The following RSU1 variants were observed in gnomAD, a reference collection of about 807,000 sequenced individuals.
RSU1 encodes the protein rsu-1.
In RSU1, 26 loss-of-function variants were observed where a neutral mutation model predicts 31.1. The observed-to-expected ratio is 0.84, with a 90% CI of 0.61 to 1.16. RSU1 has a LOEUF of 1.16. Among genes scored for constraint, RSU1 ranks in the 50% most tolerant of loss-of-function variants. The pLI, the probability that RSU1 is intolerant of heterozygous loss-of-function variation, is 0.00. For missense variants in RSU1, 320 were observed against 339.1 expected (o/e 0.94, Z 0.44); for synonymous variants, 164 against 136.3 (o/e 1.20, Z -1.41).
intron 8 of RSU1, among the ~76,000 whole-genome samples, chr10:16,688,669 A>G (rs2131556301): frequency 1.3e-5 from 2 of 152,304 alleles, no homozygotes; most frequent in South Asian, 4.1e-4. Context: ...ATCACCAGGA[A>G]GAGAATACAT....
At chr10:16,682,282 C>G (rs554502871) in intron 8 of RSU1, among the ~76,000 whole-genome samples, 1 of 152,214 alleles carries the variant, frequency 6.6e-6, no homozygotes, top group East Asian at 1.9e-4. Flanking sequence ...ACCTGCTGGG[C>G]TGCACTCCCA....
intron 8 of RSU1, among the ~76,000 whole-genome samples, chr10:16,662,538 T>C (rs1325972843): frequency 6.6e-6 from 1 of 152,234 alleles, no homozygotes. Context: ...TATTGTAGCC[T>C]ACTTTAACCC....
At chr10:16,630,080 T>C (rs1207698930) in intron 8 of RSU1, among the ~76,000 whole-genome samples, 1 of 152,114 alleles carries the variant, frequency 6.6e-6, no homozygotes, top group Non-Finnish European at 1.5e-5. Context: ...TTTTTTTTTT[T>C]ATTTTTTGAA....
chr10:16,658,507 G>A (rs934718694), intron 8 of RSU1, among the ~76,000 whole-genome samples: 19 of 152,024 alleles, frequency 1.2e-4, no homozygotes, highest in African/African-American at 3.9e-4. Context: ...GCAGATCACC[G>A]GAGATCAGGA....
chr10:16,769,443 G>T (rs1253646811), intron 3 of RSU1, among the ~76,000 whole-genome samples: 2 of 152,230 alleles, frequency 1.3e-5, no homozygotes, highest in African/African-American at 4.8e-5. Context: ...CTCCACTACT[G>T]CATGGCAGGG....
chr10:16,737,033 AG>A (rs1218199431), intron 7 of RSU1, among the ~76,000 whole-genome samples: 6 of 126,436 alleles, frequency 4.7e-5, no homozygotes, highest in Non-Finnish European at 1.0e-4. Flanking sequence ...GGGGGAGGGG[AG>A]GGGGGAAGAT....
At chr10:16,800,180 C>T (rs1294953492) in intron 2 of RSU1, among the ~76,000 whole-genome samples, 1 of 152,172 alleles carries the variant, frequency 6.6e-6, no homozygotes. Context: ...TGCATCATGT[C>T]TGGCTTACAA....
rs967407408 is a variant in RSU1 at position 16,592,418 on chromosome 10, A to AATTG, written c.*972_*975dup. The AATTG allele has an allele frequency of 6.6e-5, 10 of 151,500 alleles. No homozygotes were observed. The highest frequency in any genetic ancestry group is 8.9e-5 in the Non-Finnish European group (6 of 67,590). 9.4% of individuals were successfully genotyped at this position (151,500 alleles called of 1,614,324 possible). ...TGCCTATCACAGATGTTAAACAAAC[A>AATTG]ATTGATTGTTTAATGACTCTGCAAC... On this transcript the variant is annotated 3_prime_UTR_variant, in exon 9 of 9. Transcript: ENST00000345264.
chr10:16,667,363 A>G (rs1835014458), intron 8 of RSU1, among the ~76,000 whole-genome samples: 1 of 152,250 alleles, frequency 6.6e-6, no homozygotes, highest in Admixed American at 6.5e-5. Flanking sequence ...TCAGTTACTG[A>G]GTACTAGCGA....
chr10:16,631,821 T>TAC (rs1041997121), intron 8 of RSU1, among the ~76,000 whole-genome samples: 1 of 152,176 alleles, frequency 6.6e-6, no homozygotes, highest in Non-Finnish European at 1.5e-5. Context: ...TAGGATCTTG[T>TAC]ACCAAGCCAC....
At chr10:16,677,345 A>G (rs535966541) in intron 8 of RSU1, among the ~76,000 whole-genome samples, 2 of 152,326 alleles carry the variant, frequency 1.3e-5, no homozygotes, top group East Asian at 3.9e-4. Context: ...CTGGATGTGC[A>G]TGGTAGGAAC....
chr10:16,789,186 TA>T (rs1285406360), intron 2 of RSU1, among the ~76,000 whole-genome samples: 1 of 152,206 alleles, frequency 6.6e-6, no homozygotes, highest in African/African-American at 2.4e-5. Flanking sequence ...GGAGAGAAAC[TA>T]AAAAAGTTTA....
intron 8 of RSU1, among the ~76,000 whole-genome samples, chr10:16,616,192 G>T (rs931998782): frequency 1.3e-5 from 2 of 151,966 alleles, no homozygotes; most frequent in Non-Finnish European, 2.9e-5. Flanking sequence ...TGATCCCACA[G>T]AAATACAAAC....
Position 16,690,422 on chromosome 10 carries a change from C to T in RSU1, c.731+4601G>A, listed in dbSNP as rs1453105581. ...AAAGATGAAGAGACAGCAGCTTCCACCTGAGACATGATGAAGGGGCCGTGA... is the reference window on the plus strand; with the variant it reads ...AAAGATGAAGAGACAGCAGCTTCCATCTGAGACATGATGAAGGGGCCGTGA... On this transcript the variant is annotated intron_variant, in intron 8 of 8. Transcript: ENST00000345264. Among the ~76,000 whole-genome samples the T allele has an allele frequency of 3.9e-5, 6 of 152,260 alleles. 1 individual carries two copies. The East Asian group carries it at 1.2e-3, about 29-fold the overall frequency.
rs540956697 is a variant in RSU1 at position 16,661,448 on chromosome 10, T to C, written c.731+33575A>G. On this transcript the variant is annotated intron_variant, in intron 8 of 8. Coordinates refer to ENST00000345264, the MANE Select transcript of RSU1 (RefSeq NM_012425.4). ...ACCAAATGCCACAGAGTTCCACCAA[T>C]TTGGAAACAAATTATCTACATTTTT... is the stretch of plus-strand genomic sequence containing the variant. 3.7e-4 allele frequency among the ~76,000 whole-genome samples: 56 copies of C among 152,248 alleles called. No individual in the cohort carries two copies. In the South Asian group the frequency reaches 0.011, roughly 29 times the overall value.
In RSU1 at chr10:16,763,826, T is replaced by C. The variant is rs111840118; in HGVS notation, c.281+564A>G. 4.3e-3 allele frequency among the ~76,000 whole-genome samples: 652 copies of C among 152,282 alleles called. 3 individuals are homozygous for C. The highest frequency in any genetic ancestry group is 0.013 in the African/African-American group (545 of 41,560). The stretch of plus-strand genomic sequence containing the variant: ...AGTGCTGCAAAGCAATACACAAAAA[T>C]AGATTATCATTATTATTATTTACTG... On this transcript the variant is annotated intron_variant, in intron 4 of 8. Coordinates refer to ENST00000345264, the MANE Select transcript of RSU1 (RefSeq NM_012425.4).
intron 8 of RSU1, among the ~76,000 whole-genome samples, chr10:16,665,894 T>C (rs959247185): frequency 6.6e-6 from 1 of 152,224 alleles, no homozygotes; most frequent in Admixed American, 6.5e-5. Context: ...TAGGCTGCTA[T>C]GCAGTTATGA....
At position 16,752,598 on chromosome 10, in the gene RSU1, G is replaced by A. The variant is rs1489685630; in HGVS notation, c.539C>T (p.Thr180Ile). The A allele has an allele frequency of 1.2e-6, 2 of 1,614,028 alleles. No individual in the cohort carries two copies. Among genetic ancestry groups the A allele is most frequent in the Non-Finnish European group, 1.7e-6 (2 of 1,180,010 alleles). ...CTGAATGTGGAGCTCTTTAAGCTGGGTAAGCTCCCCGATTTCCTTAGGCAG... is the reference window on the plus strand; with the variant it reads ...CTGAATGTGGAGCTCTTTAAGCTGGATAAGCTCCCCGATTTCCTTAGGCAG... ...ISLPKEIGEL[T>I]QLKELHIQGN... is the part of the protein sequence containing the mutation. Residue 180 changes from threonine (T) to isoleucine (I), a missense_variant, in exon 7 of 9, where the codon ACC becomes ATC. Physicochemically the swap from Thr to Ile is moderately conservative, Grantham distance 89. Transcript: ENST00000345264.
intron 2 of RSU1, among the ~76,000 whole-genome samples, chr10:16,801,402 T>C (rs889641437): frequency 6.6e-6 from 1 of 152,114 alleles, no homozygotes; most frequent in Non-Finnish European, 1.5e-5. Flanking sequence ...CAAAAACTTA[T>C]AGAAATGCAA....
Sources: gnomAD v4.1 joint callset for allele counts (sites outside exome capture counted in the v4.1 genomes callset) on GRCh38, gnomAD v4.1.1 for gene constraint, MANE v1.5 for transcripts, NCBI Gene and HGNC (gene_info 2026-07-23, HGNC 2026-07-21) for gene names.